The following PLEKHA6 variants were observed in gnomAD, a reference collection of about 807,000 sequenced individuals.
PLEKHA6 encodes pleckstrin homology domain-containing family A member 6.
A neutral mutation model predicts 116.7 loss-of-function variants in PLEKHA6; 60 were observed. That is an observed-to-expected ratio of 0.51 (90% CI 0.42 to 0.64). The LOEUF (loss-of-function observed/expected upper bound fraction) is 0.64, where lower values mean the gene tolerates loss of function less well. Ranked by LOEUF, PLEKHA6 falls within the 30% of genes least tolerant of loss-of-function variation. The pLI is 0.00. For synonymous variants in PLEKHA6, 489 were observed against 556.1 expected (o/e 0.88, Z 1.70); for missense variants, 1,338 against 1,422.7 (o/e 0.94, Z 0.96).
intron 1 of PLEKHA6, chr1:204,282,639 C>T (rs1668745942): frequency 2.0e-6 from 2 of 985,166 alleles, no homozygotes; most frequent in Non-Finnish European, 2.4e-6. Context: ...CCTTAACTGT[C>T]TCAACACTGA....
chr1:204,319,715 C>T (rs923518026), intron 1 of PLEKHA6, among the ~76,000 whole-genome samples: 2 of 152,150 alleles, frequency 1.3e-5, no homozygotes, highest in Non-Finnish European at 2.9e-5. Flanking sequence ...GGGCAGTGGC[C>T]GTGTCTTACT....
rs774653110 is a variant in PLEKHA6, at chr1:204,241,822, G to A, written c.2173-8C>T. 10 of 1,613,946 alleles carry A rather than the reference G, an allele frequency of 6.2e-6. No homozygotes were observed. The highest frequency in any genetic ancestry group is 1.6e-4 in the Middle Eastern group (1 of 6,084). ...TTCATAGTTTGCCTTGGGCTGGGGA[G>A]AAAGGGTGAGAAGATGGTTGATGTT... is the stretch of plus-strand genomic sequence containing the variant. On this transcript the variant is annotated splice_polypyrimidine_tract_variant and splice_region_variant and intron_variant, in intron 15 of 22. Coordinates refer to ENST00000272203, the MANE Select transcript of PLEKHA6 (RefSeq NM_014935.5).
chr1:204,286,420 G>C (rs1269273904), intron 1 of PLEKHA6, among the ~76,000 whole-genome samples: 1 of 152,048 alleles, frequency 6.6e-6, no homozygotes, highest in African/African-American at 2.4e-5. Flanking sequence ...TACTCTGGGA[G>C]GGGAACAGAG....
chr1:204,257,930 A>G lies in PLEKHA6; in HGVS notation c.1008-61T>C. 2 of 1,471,902 alleles carry G rather than the reference A, an allele frequency of 1.4e-6. No individual in the cohort carries two copies. The highest frequency in any genetic ancestry group is 2.4e-5 in the East Asian group (1 of 42,212). 91.2% of individuals were successfully genotyped at this position (1,471,902 alleles called of 1,614,324 possible). A position where few individuals can be genotyped will look rare whatever the true frequency, so the allele number is the denominator to read the frequency against. On this transcript the variant is annotated intron_variant, in intron 8 of 22. Transcript: ENST00000272203. The surrounding 1 kb of genome is among the most constrained non-coding windows in gnomAD (Gnocchi z 6.5). ...ACACGGGCACCCCTCCACCCACCCCAGCCCCACCTCCAGGTCCCCCAGCCT... is the reference window on the plus strand; with the variant it reads ...ACACGGGCACCCCTCCACCCACCCCGGCCCCACCTCCAGGTCCCCCAGCCT...
chr1:204,274,620 T>C (rs1219890306), intron 2 of PLEKHA6, 109 bp downstream of exon 2: 1 of 985,672 alleles, frequency 1.0e-6, no homozygotes, highest in Non-Finnish European at 1.2e-6. Context: ...AAAGCCCTTC[T>C]GCTTTCCTTC....
At chr1:204,266,134 C>T (rs1259281410) in intron 5 of PLEKHA6, among the ~76,000 whole-genome samples, 5 of 152,324 alleles carry the variant, frequency 3.3e-5, no homozygotes, top group Admixed American at 3.3e-4. Flanking sequence ...CTACACGATA[C>T]TTGGCCCACA....
At chr1:204,328,186 G>T (rs1375207741) in intron 1 of PLEKHA6, among the ~76,000 whole-genome samples, 6 of 151,684 alleles carry the variant, frequency 4.0e-5, no homozygotes, top group African/African-American at 1.5e-4. Context: ...GGGTTCAAGG[G>T]ATTCTCCTAC....
At position 204,253,458 on chromosome 1, in the gene PLEKHA6, C is replaced by G. The variant is rs377218626; in HGVS notation, c.1525-2844G>C. On this transcript the variant is annotated intron_variant, in intron 9 of 22. Transcript: ENST00000272203. ...ACCTACGTGAACCCTGGGGGCGAAG[C>G]CTACAGTGAGCCGAGATCGCGCCAC... Among the ~76,000 whole-genome samples the G allele has an allele frequency of 2.2e-4, 34 of 152,266 alleles. 1 individual carries two copies. The South Asian group carries it at 6.4e-3, about 29-fold the overall frequency.
intron 13 of PLEKHA6, among the ~76,000 whole-genome samples, chr1:204,246,141 G>A (rs971038434): frequency 3.3e-5 from 5 of 152,068 alleles, no homozygotes; most frequent in African/African-American, 9.7e-5. Context: ...CACTCCCAGC[G>A]TACGCCTGAA....
chr1:204,273,576 G>T, intron 3 of PLEKHA6, 50 bp downstream of exon 3: 2 of 1,171,356 alleles, frequency 1.7e-6, no homozygotes, highest in Non-Finnish European at 2.6e-6. Context: ...CACTAAACAT[G>T]CACTGAAGAC....
chr1:204,266,042 A>G (rs1456510083), intron 5 of PLEKHA6, among the ~76,000 whole-genome samples: 6 of 152,200 alleles, frequency 3.9e-5, no homozygotes, highest in Non-Finnish European at 7.3e-5. Flanking sequence ...GGGACTCTGA[A>G]AAGCCTTTGG....
intron 17 of PLEKHA6, among the ~76,000 whole-genome samples, chr1:204,233,200 T>G (rs1489226661): frequency 1.7e-5 from 2 of 119,836 alleles, no homozygotes; most frequent in Non-Finnish European, 3.5e-5. Flanking sequence ...TTTTTTTTTT[T>G]GTCTAGCTCT....
intron 6 of PLEKHA6, among the ~76,000 whole-genome samples, chr1:204,262,261 G>A (rs1466727435): frequency 6.6e-6 from 1 of 152,206 alleles, no homozygotes; most frequent in Non-Finnish European, 1.5e-5. Context: ...GGCTGGTGGT[G>A]GAGAGTGAGT....
At chr1:204,288,312 C>T (rs1421289544) in intron 1 of PLEKHA6, among the ~76,000 whole-genome samples, 1 of 152,218 alleles carries the variant, frequency 6.6e-6, no homozygotes, top group Non-Finnish European at 1.5e-5. Context: ...GTCCCTTCTA[C>T]TCTGCCCTGA....
At chr1:204,254,853 C>T (rs1366855471) in intron 9 of PLEKHA6, among the ~76,000 whole-genome samples, 1 of 152,124 alleles carries the variant, frequency 6.6e-6, no homozygotes, top group Non-Finnish European at 1.5e-5. Flanking sequence ...CAGATCTAAA[C>T]TTAAGAGTAT....
rs1243155496 is a variant in PLEKHA6 at position 204,219,372 on chromosome 1, A to G, written c.*3416T>C. 1.3e-5 allele frequency: 2 copies of G among 152,534 alleles called. No homozygotes were observed. Among genetic ancestry groups the G allele is most frequent in the East Asian group, 3.9e-4 (2 of 5,186 alleles). The allele number at this position is 152,534 out of a possible 1,614,324, so 9.4% of individuals were successfully genotyped here. The stretch of plus-strand genomic sequence containing the variant: ...GCCGTAGCCAGCCCTGCCCAAGAAC[A>G]TGCCTCTCCCAAAGGCCGGAGAGCA... On this transcript the variant is annotated 3_prime_UTR_variant, in exon 23 of 23. Transcript: ENST00000272203.
At chr1:204,326,477 C>T (rs996762281) in intron 1 of PLEKHA6, among the ~76,000 whole-genome samples, 2 of 152,202 alleles carry the variant, frequency 1.3e-5, no homozygotes, top group East Asian at 1.9e-4. Flanking sequence ...TCTAACAAGA[C>T]TTTGCATGGC....
chr1:204,288,081 C>T (rs1257716185), intron 1 of PLEKHA6, among the ~76,000 whole-genome samples: 1 of 152,180 alleles, frequency 6.6e-6, no homozygotes, highest in Non-Finnish European at 1.5e-5. Context: ...CAAACATAGA[C>T]CAGACAGATA....
rs115362087 is a variant in PLEKHA6 at position 204,264,148 on chromosome 1, T to G, written c.381+794A>C. ...GAGGGCTTTGTACCAAGAAAATGTG[T>G]GGTTGGTATTATAATTTTATATTTG... On this transcript the variant is annotated intron_variant, in intron 6 of 22. Coordinates refer to ENST00000272203, the MANE Select transcript of PLEKHA6 (RefSeq NM_014935.5). Among the ~76,000 whole-genome samples the G allele has an allele frequency of 9.3e-3, 1,417 of 152,246 alleles. 28 individuals carry two copies. The highest frequency in any genetic ancestry group is 0.032 in the African/African-American group (1,341 of 41,520).
Sources: gnomAD v4.1 joint callset for allele counts (sites outside exome capture counted in the v4.1 genomes callset) on GRCh38, gnomAD v4.1.1 for gene constraint, Gnocchi (gnomAD v3.1) non-coding constraint, MANE v1.5 for transcripts, NCBI Gene and HGNC (gene_info 2026-07-23, HGNC 2026-07-21) for gene names.